Variants in LRRTM4 observed in about 807,000 individuals in gnomAD.
LRRTM4 encodes leucine-rich repeat transmembrane neuronal protein 4.
LRRTM4 carries 25 observed loss-of-function variants against 47.6 expected under a neutral mutation model. The ratio of observed to expected loss-of-function variants is 0.53; its 90% CI spans 0.38 to 0.73. The LOEUF (loss-of-function observed/expected upper bound fraction) is 0.73. LRRTM4 is among the 30% of genes least tolerant of loss of function. The probability of loss-of-function intolerance (pLI) is 0.00; values close to 1 mark genes in which losing one functional copy is unlikely to be tolerated. For missense variants in LRRTM4, 638 were observed against 713.4 expected, an observed-to-expected ratio of 0.89 and a Z score of 1.20; for synonymous variants, 311 against 269.5, an observed-to-expected ratio of 1.15 and a Z score of -1.51.
rs1467766945 is a variant in LRRTM4 at position 77,091,549 on chromosome 2, G to A, written c.1552-342633C>T. 1.5e-4 allele frequency among the ~76,000 whole-genome samples: 22 copies of A among 150,090 alleles called. No homozygotes were observed. The South Asian group carries it at 4.0e-3, about 28-fold the overall frequency. On this transcript the variant is annotated intron_variant, in intron 3 of 3. Transcript: ENST00000409884. ...CCAAATTGTTTTGCCTGTCCACCCCGTGGTGCCAAACCCATATACTCTCCT... is the reference window on the plus strand; with the variant it reads ...CCAAATTGTTTTGCCTGTCCACCCCATGGTGCCAAACCCATATACTCTCCT...
intron 3 of LRRTM4, among the ~76,000 whole-genome samples, chr2:77,137,610 A>T (rs1671984641): frequency 6.6e-6 from 1 of 152,186 alleles, no homozygotes; most frequent in Admixed American, 6.5e-5. Flanking sequence ...ACAGGATCAA[A>T]TTCACACATA....
chr2:77,143,392 G>A (rs533487942), intron 3 of LRRTM4, among the ~76,000 whole-genome samples: 5 of 152,118 alleles, frequency 3.3e-5, no homozygotes, highest in South Asian at 2.1e-4. Flanking sequence ...TACCATTAGC[G>A]CATATAGAAA....
intron 3 of LRRTM4, among the ~76,000 whole-genome samples, chr2:77,361,876 G>C (rs1369439096): frequency 6.6e-6 from 1 of 152,010 alleles, no homozygotes; most frequent in African/African-American, 2.4e-5. Context: ...TAGAGGCCAG[G>C]AGTTCAAGAC....
chr2:77,047,635 A>G (rs1338391910), intron 3 of LRRTM4, among the ~76,000 whole-genome samples: 1 of 151,986 alleles, frequency 6.6e-6, no homozygotes, highest in African/African-American at 2.4e-5. Context: ...TTATAAAGAC[A>G]CCAGTCATAT....
At chr2:77,058,385 C>A (rs1341568012) in intron 3 of LRRTM4, among the ~76,000 whole-genome samples, 1 of 152,084 alleles carries the variant, frequency 6.6e-6, no homozygotes, top group African/African-American at 2.4e-5. Flanking sequence ...TTGGGGAGTA[C>A]TTAGGCAAAT....
chr2:77,061,372 A>T (rs1246175262), intron 3 of LRRTM4, among the ~76,000 whole-genome samples: 5 of 152,104 alleles, frequency 3.3e-5, no homozygotes, highest in African/African-American at 1.2e-4. Flanking sequence ...TAGTCCACCA[A>T]AATCTGAAAA....
intron 3 of LRRTM4, among the ~76,000 whole-genome samples, chr2:77,002,782 CTT>C (rs1475615787): frequency 1.3e-5 from 2 of 152,134 alleles, no homozygotes; most frequent in Non-Finnish European, 2.9e-5. Context: ...TAAAAAGTCT[CTT>C]TTTAAGAGAT....
rs564021721 is a variant in LRRTM4, at chr2:76,790,706, C to A, written c.1552-41790G>T. Among the ~76,000 whole-genome samples, 152 of 151,858 alleles carry A rather than the reference C, an allele frequency of 1.0e-3. 1 individual carries two copies. Among genetic ancestry groups the A allele is most frequent in the Middle Eastern group, 6.8e-3 (2 of 292 alleles). On this transcript the variant is annotated intron_variant, in intron 3 of 3. Transcript: ENST00000409884. ...TGTTACTTAATTGGATAGACCCCCC[C>A]CCACCACCTCAGTGAAATTTAACAG...
intron 3 of LRRTM4, among the ~76,000 whole-genome samples, chr2:76,801,876 A>G (rs1422575472): frequency 6.6e-6 from 1 of 152,154 alleles, no homozygotes; most frequent in Non-Finnish European, 1.5e-5. Context: ...AAACACCATA[A>G]GATCATCTCA....
At chr2:77,008,067 T>C (rs999659163) in intron 3 of LRRTM4, among the ~76,000 whole-genome samples, 1 of 152,202 alleles carries the variant, frequency 6.6e-6, no homozygotes, top group African/African-American at 2.4e-5. Context: ...AGTGAACAAC[T>C]GTAGCATCCT....
intron 3 of LRRTM4, among the ~76,000 whole-genome samples, chr2:77,473,164 G>A (rs545331418): frequency 1.8e-4 from 27 of 152,114 alleles, no homozygotes; most frequent in Non-Finnish European, 2.5e-4. Context: ...TTCCCTGCCC[G>A]TCTTCCTGGA....
chr2:77,400,173 C>G (rs1240639827), intron 3 of LRRTM4, among the ~76,000 whole-genome samples: 1 of 151,804 alleles, frequency 6.6e-6, no homozygotes, highest in African/African-American at 2.4e-5. Context: ...TTATTTTCTT[C>G]TTGAAATGCT....
At chr2:76,802,394 T>G (rs942074260) in intron 3 of LRRTM4, among the ~76,000 whole-genome samples, 1 of 152,086 alleles carries the variant, frequency 6.6e-6, no homozygotes, top group African/African-American at 2.4e-5. Context: ...AAGATAGTCT[T>G]AGGAAAAAAT....
chr2:77,509,926 T>G (rs1464640632), intron 3 of LRRTM4, among the ~76,000 whole-genome samples: 1 of 152,202 alleles, frequency 6.6e-6, no homozygotes, highest in Non-Finnish European at 1.5e-5. Flanking sequence ...GTCCATGTTG[T>G]GGTTTGACCA....
chr2:77,260,341 T>A (rs892666369), intron 3 of LRRTM4, among the ~76,000 whole-genome samples: 4 of 151,550 alleles, frequency 2.6e-5, no homozygotes, highest in Admixed American at 2.0e-4. Context: ...ACTTCACCTA[T>A]CATTGAAGAA....
intron 3 of LRRTM4, among the ~76,000 whole-genome samples, chr2:77,081,678 A>G (rs1172371221): frequency 6.6e-6 from 1 of 152,160 alleles, no homozygotes; most frequent in Non-Finnish European, 1.5e-5. Context: ...ATCTTATTTC[A>G]TTAGCAGTTT....
chr2:77,189,644 C>T (rs1386549052), intron 3 of LRRTM4, among the ~76,000 whole-genome samples: 1 of 152,146 alleles, frequency 6.6e-6, no homozygotes, highest in Non-Finnish European at 1.5e-5. Context: ...CGTGATCTTA[C>T]ACTTCCAGTC....
intron 3 of LRRTM4, among the ~76,000 whole-genome samples, chr2:77,046,038 T>C (rs1360807285): frequency 1.3e-5 from 2 of 151,994 alleles, no homozygotes; most frequent in Non-Finnish European, 2.9e-5. Context: ...TTCACTGTCT[T>C]AAAGAACATT....
chr2:77,040,584 A>G (rs1394561466), intron 3 of LRRTM4, among the ~76,000 whole-genome samples: 1 of 151,434 alleles, frequency 6.6e-6, no homozygotes, highest in Non-Finnish European at 1.5e-5. Context: ...GAGCCTTTGC[A>G]TATGGCAGTT....
Sources: gnomAD v4.1 joint callset for allele counts (sites outside exome capture counted in the v4.1 genomes callset) on GRCh38, gnomAD v4.1.1 for gene constraint, MANE v1.5 for transcripts, NCBI Gene and HGNC (gene_info 2026-07-23, HGNC 2026-07-21) for gene names.